Variants in GPC5 observed in about 807,000 individuals in gnomAD.
The protein encoded by GPC5 is glypican-5.
Under a neutral mutation model 53.9 loss-of-function variants are expected in GPC5, and 47 were observed. That is an observed-to-expected ratio of 0.87 (90% CI 0.69 to 1.11). The LOEUF is 1.11. Ranked by LOEUF, GPC5 falls within the 50% of genes most tolerant of loss-of-function variation. GPC5 has a pLI of 0.00. For synonymous variants in GPC5, 286 were observed against 263.3 expected (o/e 1.09, Z -0.84); for missense variants, 748 against 713.1 (o/e 1.05, Z -0.56).
intron 7 of GPC5, chr13:92,239,940 C>T (rs904708574): frequency 3.1e-5 from 1 of 32,612 alleles, no homozygotes; most frequent in East Asian, 5.0e-4. Flanking sequence ...ATAAGAAACA[C>T]ATCTTTTACT....
intron 1 of GPC5, among the ~76,000 whole-genome samples, chr13:91,440,214 A>G (rs1333848039): frequency 6.6e-6 from 1 of 152,152 alleles, no homozygotes; most frequent in Non-Finnish European, 1.5e-5. Flanking sequence ...TGGGACTCCA[A>G]TCTTACCTAT....
intron 6 of GPC5, among the ~76,000 whole-genome samples, chr13:92,087,559 A>G (rs2041345425): frequency 6.6e-6 from 1 of 152,210 alleles, no homozygotes; most frequent in African/African-American, 2.4e-5. Context: ...TAATGAAAAT[A>G]AGGACATAAA....
intron 6 of GPC5, among the ~76,000 whole-genome samples, chr13:92,119,016 C>T (rs2041623171): frequency 6.6e-6 from 1 of 152,164 alleles, no homozygotes; most frequent in African/African-American, 2.4e-5. Flanking sequence ...TCTGTTCTTA[C>T]ACTGCTAATA....
At chr13:91,964,354 A>ATCCTGCTGATTGG (rs2040160285) in intron 6 of GPC5, among the ~76,000 whole-genome samples, 1 of 152,164 alleles carries the variant, frequency 6.6e-6, no homozygotes, top group Non-Finnish European at 1.5e-5. Context: ...TCCCACCCAC[A>ATCCTGCTGATTGG]TCCTGCTGAT....
intron 7 of GPC5, among the ~76,000 whole-genome samples, chr13:92,334,566 C>A (rs2043309681): frequency 6.6e-6 from 1 of 152,130 alleles, no homozygotes; most frequent in Admixed American, 6.5e-5. Flanking sequence ...AGTCTTAAAT[C>A]ATTCCAGCAT....
intron 2 of GPC5, among the ~76,000 whole-genome samples, chr13:91,629,927 G>A (rs1208113276): frequency 2.0e-5 from 3 of 152,256 alleles, no homozygotes; most frequent in African/African-American, 2.4e-5. Context: ...AGGCTGGGAT[G>A]TATGTTTTTA....
At chr13:92,722,970 A>T (rs531427554) in intron 7 of GPC5, among the ~76,000 whole-genome samples, 1 of 151,954 alleles carries the variant, frequency 6.6e-6, no homozygotes, top group South Asian at 2.1e-4. Context: ...AGATTAAGCC[A>T]AAAAATTATG....
At chr13:91,807,300 TAAATTACCACAA>T (rs1306331376) in intron 5 of GPC5, among the ~76,000 whole-genome samples, 2 of 152,188 alleles carry the variant, frequency 1.3e-5, no homozygotes, top group East Asian at 1.9e-4. Context: ...TCAGTTATCA[TAAATTACCACAA>T]AAATTTTGTT....
intron 2 of GPC5, among the ~76,000 whole-genome samples, chr13:91,659,603 C>T (rs1251854829): frequency 6.6e-6 from 1 of 152,162 alleles, no homozygotes; most frequent in Non-Finnish European, 1.5e-5. Context: ...GAAAATAGAA[C>T]AAATCTAGGA....
chr13:92,270,767 G>T (rs998856819), intron 7 of GPC5, among the ~76,000 whole-genome samples: 1 of 152,112 alleles, frequency 6.6e-6, no homozygotes, highest in Non-Finnish European at 1.5e-5. Context: ...TCTGAAATCA[G>T]TTCATTTATT....
At chr13:91,939,070 G>GT (rs934693955) in intron 6 of GPC5, among the ~76,000 whole-genome samples, 3 of 151,784 alleles carry the variant, frequency 2.0e-5, no homozygotes, top group African/African-American at 4.8e-5. Context: ...AAAAATCCCT[G>GT]TTTTTTGTTT....
intron 2 of GPC5, among the ~76,000 whole-genome samples, chr13:91,683,617 G>A (rs1025337384): frequency 6.6e-6 from 1 of 152,064 alleles, no homozygotes; most frequent in South Asian, 2.1e-4. Flanking sequence ...TTTATTACCT[G>A]ACTCTTTCTC....
intron 5 of GPC5, among the ~76,000 whole-genome samples, chr13:91,891,291 A>G (rs1055969897): frequency 6.6e-6 from 1 of 152,156 alleles, no homozygotes; most frequent in Non-Finnish European, 1.5e-5. Context: ...AGCTTCGCCA[A>G]GGCAGATTTT....
chr13:92,179,908 A>G (rs1343355878), intron 7 of GPC5, among the ~76,000 whole-genome samples: 2 of 152,204 alleles, frequency 1.3e-5, no homozygotes, highest in Non-Finnish European at 2.9e-5. Context: ...ATGGGGAAAG[A>G]TATCAGCCTA....
At chr13:92,632,587 C>T (rs1221474462) in intron 7 of GPC5, among the ~76,000 whole-genome samples, 1 of 151,216 alleles carries the variant, frequency 6.6e-6, no homozygotes, top group Non-Finnish European at 1.5e-5. Context: ...TATGTATGCA[C>T]TAAGAAAATA....
rs186437804 is a variant in GPC5, at chr13:92,059,020, G to A, written c.1402-85810G>A. On this transcript the variant is annotated intron_variant, in intron 6 of 7. Coordinates refer to ENST00000377067, the MANE Select transcript of GPC5 (RefSeq NM_004466.6). ...GCTCATAAAAAACTTGAATTACCTT[G>A]CTCTGTTCTCATAAAACTGTACATT... Among the ~76,000 whole-genome samples, 15 of 152,150 alleles carry A rather than the reference G, an allele frequency of 9.9e-5. 1 individual carries two copies. The highest frequency in any genetic ancestry group is 7.2e-4 in the Admixed American group (11 of 15,266).
chr13:91,873,213 A>G (rs1241534006), intron 5 of GPC5, among the ~76,000 whole-genome samples: 1 of 152,172 alleles, frequency 6.6e-6, no homozygotes. Flanking sequence ...GTATTTTGGT[A>G]TGTTTCTTTT....
At chr13:92,173,841 C>T (rs1304012557) in intron 7 of GPC5, among the ~76,000 whole-genome samples, 5 of 152,160 alleles carry the variant, frequency 3.3e-5, no homozygotes, top group South Asian at 2.1e-4. Context: ...CTTGGTAGCA[C>T]ACACCTAATT....
At chr13:92,252,554 A>G (rs559816144) in intron 7 of GPC5, among the ~76,000 whole-genome samples, 1 of 152,212 alleles carries the variant, frequency 6.6e-6, no homozygotes, top group African/African-American at 2.4e-5. Flanking sequence ...AATGTTATAG[A>G]GTAAAAATAC....
Sources: gnomAD v4.1 joint callset for allele counts (sites outside exome capture counted in the v4.1 genomes callset) on GRCh38, gnomAD v4.1.1 for gene constraint, MANE v1.5 for transcripts, NCBI Gene and HGNC (gene_info 2026-07-23, HGNC 2026-07-21) for gene names.